The following SPOCK3 variants were observed in gnomAD, a reference collection of about 807,000 sequenced individuals.
The protein encoded by SPOCK3 is SPARC (osteonectin), cwcv and kazal like domains proteoglycan 3, also known as testican-3.
In SPOCK3, 30 loss-of-function variants were observed where a neutral mutation model predicts 56.6. That is an observed-to-expected ratio of 0.53 (90% CI 0.40 to 0.72). The LOEUF is 0.72. Among genes scored for constraint, SPOCK3 ranks in the 30% least tolerant of loss-of-function variants. The pLI is 0.00. For missense variants in SPOCK3, 527 were observed against 530.0 expected, an observed-to-expected ratio of 0.99 and a Z score of 0.06; for synonymous variants, 196 against 183.3, an observed-to-expected ratio of 1.07 and a Z score of -0.56.
intron 2 of SPOCK3, among the ~76,000 whole-genome samples, chr4:167,128,847 C>A (rs1762491278): frequency 6.6e-6 from 1 of 152,178 alleles, no homozygotes. Context: ...AACATCCATT[C>A]CCAACAGTCT....
chr4:167,134,022 C>CTTTTTTTT (rs34410893), intron 2 of SPOCK3, among the ~76,000 whole-genome samples: 131 of 80,548 alleles, frequency 1.6e-3, no homozygotes, highest in African/African-American at 2.4e-3. Flanking sequence ...ACACCTTTTT[C>CTTTTTTTT]TTTTTTTTTT....
At chr4:167,024,864 T>A (rs537039034) in intron 3 of SPOCK3, among the ~76,000 whole-genome samples, 1,968 of 152,114 alleles carry the variant, frequency 0.013, 19 homozygotes, top group Non-Finnish European at 0.019. Context: ...AAAAAAATTT[T>A]AAAAATTTTT....
intron 6 of SPOCK3, among the ~76,000 whole-genome samples, chr4:166,856,780 TTATC>T (rs75127358): frequency 0.073 from 10,875 of 149,324 alleles, 499 homozygotes; most frequent in Non-Finnish European, 0.1. Flanking sequence ...CTCAAAAAAA[TTATC>T]TATCTATCTA....
intron 6 of SPOCK3, among the ~76,000 whole-genome samples, chr4:166,834,175 A>G (rs1319450871): frequency 2.0e-5 from 3 of 152,130 alleles, no homozygotes; most frequent in African/African-American, 4.8e-5. Flanking sequence ...TTGAGCACCA[A>G]TGAAAGTCCA....
At chr4:166,937,034 AATTG>A (rs1349328914) in intron 4 of SPOCK3, among the ~76,000 whole-genome samples, 2 of 151,980 alleles carry the variant, frequency 1.3e-5, no homozygotes, top group African/African-American at 2.4e-5. Context: ...TTTATTTTTT[AATTG>A]ATTGATTTTA....
At chr4:167,167,794 T>G (rs923185465) in intron 2 of SPOCK3, among the ~76,000 whole-genome samples, 100 of 152,234 alleles carry the variant, frequency 6.6e-4, no homozygotes, top group African/African-American at 2.3e-3. Context: ...CATTGAAAAT[T>G]CAGGGGACTG....
intron 3 of SPOCK3, among the ~76,000 whole-genome samples, chr4:167,013,350 C>G (rs1054635939): frequency 6.6e-6 from 1 of 151,644 alleles, no homozygotes; most frequent in Non-Finnish European, 1.5e-5. Context: ...TTTTAAAATA[C>G]CATTCTCTTT....
At chr4:166,945,649 A>C (rs1741635117) in intron 4 of SPOCK3, among the ~76,000 whole-genome samples, 1 of 152,050 alleles carries the variant, frequency 6.6e-6, no homozygotes, top group Admixed American at 6.6e-5. Context: ...ACTCCAATTG[A>C]CCACTAATAT....
intron 3 of SPOCK3, among the ~76,000 whole-genome samples, chr4:167,058,035 A>T (rs1755105668): frequency 1.3e-5 from 2 of 152,206 alleles, no homozygotes; most frequent in Non-Finnish European, 2.9e-5. Flanking sequence ...ACATACTTTG[A>T]AGTAAAGCTC....
At chr4:167,144,923 A>G (rs190771418) in intron 2 of SPOCK3, among the ~76,000 whole-genome samples, 2 of 152,034 alleles carry the variant, frequency 1.3e-5, no homozygotes, top group Middle Eastern at 3.4e-3. Flanking sequence ...TTAACATAGC[A>G]TTGTCACAGG....
Position 167,011,576 on chromosome 4 carries a change from C to T in SPOCK3, c.236-11113G>A, listed in dbSNP as rs1750073435. The stretch of plus-strand genomic sequence containing the variant: ...CCATAACGACAACAAAAAGTTTCCC[C>T]AGGATCAATGTTGTTAAAATATAGC... On this transcript the variant is annotated intron_variant, in intron 3 of 10. Coordinates refer to ENST00000357545, the MANE Select transcript of SPOCK3 (RefSeq NM_001040159.2). Among the ~76,000 whole-genome samples the T allele has an allele frequency of 5.9e-5, 9 of 152,136 alleles. No homozygotes were observed. The South Asian group carries it at 1.9e-3, about 32-fold the overall frequency.
At chr4:167,108,741 G>C (rs908230808) in intron 2 of SPOCK3, among the ~76,000 whole-genome samples, 4 of 150,946 alleles carry the variant, frequency 2.6e-5, no homozygotes, top group African/African-American at 9.7e-5. Context: ...AACAGTATTT[G>C]CTAGCACAGA....
intron 2 of SPOCK3, among the ~76,000 whole-genome samples, chr4:167,127,390 C>T (rs890783067): frequency 2.0e-5 from 3 of 151,680 alleles, no homozygotes; most frequent in Non-Finnish European, 4.4e-5. Flanking sequence ...AAAAAATAAG[C>T]CACCTAAAAG....
At chr4:167,066,336 C>T (rs762897003) in intron 2 of SPOCK3, among the ~76,000 whole-genome samples, 7 of 151,738 alleles carry the variant, frequency 4.6e-5, no homozygotes, top group Non-Finnish European at 1.0e-4. Flanking sequence ...TGCTTCTACT[C>T]ATGAGATACC....
chr4:167,205,350 T>TATAATATATATTATATATTATATATAA (rs1561321538), intron 2 of SPOCK3, among the ~76,000 whole-genome samples: 2 of 42,546 alleles, frequency 4.7e-5, no homozygotes, highest in Admixed American at 4.9e-4. Context: ...ATTATATATA[T>TATAATATATATTATATATTATATATAA]AATATATATA....
rs2110942435 is a variant in SPOCK3, at chr4:167,203,234, A to G, written c.189+30751T>C. Among the ~76,000 whole-genome samples, 4 of 152,088 alleles carry G rather than the reference A, an allele frequency of 2.6e-5. No individual in the cohort carries two copies. The Middle Eastern group carries it at 0.014, about 521-fold the overall frequency. On this transcript the variant is annotated intron_variant, in intron 2 of 10. Coordinates refer to ENST00000357545, the MANE Select transcript of SPOCK3 (RefSeq NM_001040159.2). Reference sequence around the variant, plus strand: ...TATAAGGTCATGAAAAATTGTATGTATTAGAAATCCAATGTTAAAGAAGCA... The same window carrying G: ...TATAAGGTCATGAAAAATTGTATGTGTTAGAAATCCAATGTTAAAGAAGCA...
intron 6 of SPOCK3, among the ~76,000 whole-genome samples, chr4:166,840,668 T>G (rs980830207): frequency 3.3e-5 from 5 of 151,904 alleles, no homozygotes; most frequent in East Asian, 1.9e-4. Flanking sequence ...TCTCCCTACA[T>G]TTCAGACTCA....
chr4:167,098,735 C>T (rs1316524308), intron 2 of SPOCK3, among the ~76,000 whole-genome samples: 6 of 151,830 alleles, frequency 4.0e-5, no homozygotes, highest in South Asian at 4.1e-4. Context: ...TTAATTAACT[C>T]GCTTTATCAT....
intron 4 of SPOCK3, among the ~76,000 whole-genome samples, chr4:166,929,112 G>T (rs11936667): frequency 0.33 from 50,273 of 151,820 alleles, 9,387 homozygotes; most frequent in African/African-American, 0.51. Context: ...GGGGGCAGTA[G>T]GTACATGGGA....
Sources: gnomAD v4.1 joint callset for allele counts (sites outside exome capture counted in the v4.1 genomes callset) on GRCh38, gnomAD v4.1.1 for gene constraint, MANE v1.5 for transcripts, NCBI Gene and HGNC (gene_info 2026-07-23, HGNC 2026-07-21) for gene names.